CCNK: variants seen among roughly 807,000 people sequenced by gnomAD.
The protein encoded by CCNK is cyclin K, also known as cyclin-K.
CCNK carries 9 observed loss-of-function variants against 65.0 expected under a neutral mutation model. The ratio of observed to expected loss-of-function variants is 0.14; its 90% CI spans 0.08 to 0.24. The LOEUF (loss-of-function observed/expected upper bound fraction) is 0.24. CCNK is among the 10% of genes least tolerant of loss of function. The pLI, the probability that CCNK is intolerant of heterozygous loss-of-function variation, is 1.00. For missense variants in CCNK, 474 were observed against 720.0 expected (o/e 0.66, Z 3.91); for synonymous variants, 279 against 270.8 (o/e 1.03, Z -0.30).
intron 4 of CCNK, 31 bp from the exon 5 acceptor site, chr14:99,500,735 T>TA: frequency 7.4e-7 from 1 of 1,352,200 alleles, no homozygotes; most frequent in Non-Finnish European, 1.0e-6. Flanking sequence ...CAATTGTAAT[T>TA]ACTGTCCTAA....
Position 99,512,020 on chromosome 14 carries a change from T to C in CCNK, c.*1238T>C, listed in dbSNP as rs1056367248. On this transcript the variant is annotated 3_prime_UTR_variant, in exon 11 of 11. Coordinates refer to ENST00000389879, the MANE Select transcript of CCNK (RefSeq NM_001099402.2). ...TGCCACCCACGACAGAAACAAGCAC[T>C]GAGCACCCAGCCAGGAGGCTCACAA... is the stretch of plus-strand genomic sequence containing the variant. The C allele has an allele frequency of 2.6e-5, 4 of 152,282 alleles. No individual in the cohort carries two copies. Among genetic ancestry groups the C allele is most frequent in the African/African-American group, 9.6e-5 (4 of 41,468 alleles). 9.4% of individuals were successfully genotyped at this position (152,282 alleles called of 1,614,324 possible). A position where few individuals can be genotyped will look rare whatever the true frequency, so the allele number is the denominator to read the frequency against.
intron 5 of CCNK, 129 bp from the exon 6 acceptor site, chr14:99,501,227 T>C: frequency 1.5e-6 from 1 of 676,230 alleles, no homozygotes; most frequent in East Asian, 2.6e-5. Flanking sequence ...TCATCCTTGT[T>C]TCCCACGCAA....
In CCNK at chr14:99,510,557, CCCCCCA is replaced by C. The variant is rs1433464282; in HGVS notation, c.1528_1533del (p.Pro510_Pro511del). 1 of 360,540 alleles carries C rather than the reference CCCCCCA, an allele frequency of 2.8e-6. No homozygotes were observed. Among genetic ancestry groups the C allele is most frequent in the Non-Finnish European group, 5.0e-6 (1 of 200,254 alleles). 22.3% of individuals were successfully genotyped at this position (360,540 alleles called of 1,614,324 possible). A position where few individuals can be genotyped will look rare whatever the true frequency, so the allele number is the denominator to read the frequency against. ...CCATCCCACCCCCTACTCCTGGCTA[CCCCCCA>C]CCCCCACCCACCTACAACCCCAACT... On this transcript the variant is annotated inframe_deletion, in exon 11 of 11. Transcript: ENST00000389879.
At chr14:99,499,553 C>T (rs1417636311) in intron 4 of CCNK, among the ~76,000 whole-genome samples, 1 of 152,198 alleles carries the variant, frequency 6.6e-6, no homozygotes, top group Non-Finnish European at 1.5e-5. Flanking sequence ...TTACAGTCCT[C>T]TACAACGCCC....
At position 99,502,289 on chromosome 14, in the gene CCNK, T is replaced by C. The variant is rs1896851440; in HGVS notation, c.658T>C (p.Phe220Leu). 1 of 1,612,246 alleles carries C rather than the reference T, an allele frequency of 6.2e-7. No individual in the cohort carries two copies. Reference sequence around the variant, plus strand: ...GTATCTCGCAGGACGTTTGTGCAAATTTGAAATACAAGAATGGACCTCCAA... The same window carrying C: ...GTATCTCGCAGGACGTTTGTGCAAACTTGAAATACAAGAATGGACCTCCAA... ...VMYLAGRLCKFEIQEWTSKPM... is the reference protein window; with the variant it reads ...VMYLAGRLCKLEIQEWTSKPM... Residue 220 changes from phenylalanine to leucine, a missense_variant, in exon 7 of 11, where the codon TTT (phenylalanine) becomes CTT (leucine). Around this residue, in one of 6 missense-constraint regions of CCNK, gnomAD observed 67 missense variants for 150.2 expected, o/e 0.45. Coordinates refer to ENST00000389879, the MANE Select transcript of CCNK (RefSeq NM_001099402.2).
At chr14:99,501,046 T>A (rs968461475) in intron 5 of CCNK, 175 bp downstream of exon 5, 12 of 611,110 alleles carry the variant, frequency 2.0e-5, no homozygotes, top group African/African-American at 3.7e-5. Context: ...TTTCCTTTTA[T>A]GTATAAACAG....
At position 99,510,139 on chromosome 14, in the gene CCNK, T is replaced by TG. The variant is rs767490203; in HGVS notation, c.1118-17dup. Reference sequence around the variant, plus strand: ...ATTGCTGGCGGAGGCCGGGCACTGATGCGTCTCTCTCCTGCAGACCGGAAG... The same window carrying TG: ...ATTGCTGGCGGAGGCCGGGCACTGATGGCGTCTCTCTCCTGCAGACCGGAAG... On this transcript the variant is annotated splice_polypyrimidine_tract_variant and intron_variant, in intron 10 of 10. Coordinates refer to ENST00000389879, the MANE Select transcript of CCNK (RefSeq NM_001099402.2). 1 of 1,587,206 alleles carries TG rather than the reference T, an allele frequency of 6.3e-7. No individual in the cohort carries two copies. Among genetic ancestry groups the TG allele is most frequent in the African/African-American group, 1.3e-5 (1 of 74,580 alleles).
intron 8 of CCNK, 174 bp from the exon 9 acceptor site, chr14:99,503,435 AAT>A: frequency 1.6e-6 from 1 of 613,524 alleles, no homozygotes; most frequent in Non-Finnish European, 2.9e-6. Flanking sequence ...AGGGAGCAGA[AAT>A]GATGATCTGG....
chr14:99,510,657 C>T lies in CCNK; in HGVS notation c.1618C>T (p.Leu540=). Residue 540 remains leucine, a synonymous_variant, in exon 11 of 11, where the codon CTG becomes TTG. Coordinates refer to ENST00000389879, the MANE Select transcript of CCNK (RefSeq NM_001099402.2). The part of the protein sequence containing the change: ...VPPHPPPGLG[L]PPASYPPPAV... ...CCCTCATCCTCCTCCAGGGTTGGGC[C>T]TGCCGCCAGCCAGCTACCCACCTCC... 18 of 1,414,460 alleles carry T rather than the reference C, an allele frequency of 1.3e-5. No individual in the cohort carries two copies. Among genetic ancestry groups the T allele is most frequent in the Non-Finnish European group, 1.7e-5 (18 of 1,085,440 alleles). The allele number at this position is 1,414,460 out of a possible 1,614,324, so 87.6% of individuals were successfully genotyped here. A position where few individuals can be genotyped will look rare whatever the true frequency, so the allele number is the denominator to read the frequency against.
rs1311438712 is a variant in CCNK, at chr14:99,503,106, C to T, written c.1011+122C>T. On this transcript the variant is annotated intron_variant, in intron 8 of 10. Transcript: ENST00000389879. ...CGGAAGCAGGGGGTGTTCGCCGAAA[C>T]TCGCAGTCCGACTGCTTGTCGGTGG... is the stretch of plus-strand genomic sequence containing the variant. The T allele has an allele frequency of 4.4e-6, 5 of 1,135,538 alleles. No homozygotes were observed. The East Asian group carries it at 1.2e-4, about 27-fold the overall frequency. The allele number at this position is 1,135,538 out of a possible 1,614,324, so 70.3% of individuals were successfully genotyped here.
At chr14:99,507,250 T>C (rs2139881045) in intron 10 of CCNK, 103 bp downstream of exon 10, 1 of 783,546 alleles carries the variant, frequency 1.3e-6, no homozygotes, top group East Asian at 2.4e-5. Flanking sequence ...GGGCCCAGAT[T>C]GACAATGTCA....
At chr14:99,493,922 C>G (rs1896646070) in intron 3 of CCNK, 1 of 212,166 alleles carries the variant, frequency 4.7e-6, no homozygotes, top group African/African-American at 2.3e-5. Flanking sequence ...CAGAAGTTGT[C>G]TATGCCATAT....
intron 4 of CCNK, among the ~76,000 whole-genome samples, chr14:99,497,900 C>CA (rs1161413412): frequency 6.6e-6 from 1 of 152,094 alleles, no homozygotes; most frequent in African/African-American, 2.4e-5. Flanking sequence ...TAACTATAAC[C>CA]AAAAATGCAG....
rs774301183 is a variant in CCNK, at chr14:99,481,439, G to A, written c.-93G>A. 3 of 398,612 alleles carry A rather than the reference G, an allele frequency of 7.5e-6. No individual in the cohort carries two copies. Among genetic ancestry groups the A allele is most frequent in the South Asian group, 1.3e-4 (1 of 7,868 alleles). The allele number at this position is 398,612 out of a possible 1,614,324, so 24.7% of individuals were successfully genotyped here. Reference sequence around the variant, plus strand: ...TCCATATACAAGATGGCCGCAGTCGGCAAGGAGAGACGTCGCTGAGGGGCT... The same window carrying A: ...TCCATATACAAGATGGCCGCAGTCGACAAGGAGAGACGTCGCTGAGGGGCT... On this transcript the variant is annotated 5_prime_UTR_variant, in exon 1 of 11. Transcript: ENST00000389879.
chr14:99,509,309 A>G (rs1897055080), intron 10 of CCNK: 1 of 152,196 alleles, frequency 6.6e-6, no homozygotes. Context: ...GGGTGTTGCG[A>G]TGTCATTTTC....
At chr14:99,492,185 T>G (rs1315330982) in intron 1 of CCNK, 1 of 153,444 alleles carries the variant, frequency 6.5e-6, no homozygotes, top group Non-Finnish European at 1.5e-5. Context: ...TGAAAAGGGG[T>G]GCTGGATGGA....
chr14:99,496,659 G>A lies in CCNK; in HGVS notation c.411+1030G>A, dbSNP rs565695869. On this transcript the variant is annotated intron_variant, in intron 4 of 10. Transcript: ENST00000389879. Reference sequence around the variant, plus strand: ...CGGGAGGCGGAGCTTGCAGTGAGCCGAGATGGCACCACTACCCTCCAGCCT... The same window carrying A: ...CGGGAGGCGGAGCTTGCAGTGAGCCAAGATGGCACCACTACCCTCCAGCCT... Among the ~76,000 whole-genome samples, 303 of 151,696 alleles carry A rather than the reference G, an allele frequency of 2.0e-3. 1 individual carries two copies. Among genetic ancestry groups the A allele is most frequent in the African/African-American group, 6.8e-3 (280 of 41,318 alleles).
chr14:99,497,164 C>T (rs1054473790), intron 4 of CCNK, among the ~76,000 whole-genome samples: 5 of 151,998 alleles, frequency 3.3e-5, no homozygotes, highest in African/African-American at 1.2e-4. Context: ...TTTGGACATA[C>T]GTATAGTAAC....
Position 99,501,336 on chromosome 14 carries a change from C to T in CCNK, c.518-20C>T, listed in dbSNP as rs778240539. ...AATTTTTCTATTGCTATTAATTTACCTTTTTGTCCCCATTTCTAGGTGATA... is the reference window on the plus strand; with the variant it reads ...AATTTTTCTATTGCTATTAATTTACTTTTTTGTCCCCATTTCTAGGTGATA... On this transcript the variant is annotated intron_variant, in intron 5 of 10. Transcript: ENST00000389879. The T allele has an allele frequency of 1.9e-6, 3 of 1,554,648 alleles. No homozygotes were observed. In the East Asian group the frequency reaches 6.7e-5, roughly 35 times the overall value.
Sources: allele counts gnomAD v4.1 joint callset (sites outside exome capture counted in the v4.1 genomes callset), GRCh38; gene constraint gnomAD v4.1.1; regional missense constraint gnomAD v4.1.1; transcripts MANE v1.5; gene names NCBI Gene and HGNC (gene_info 2026-07-23, HGNC 2026-07-21).